Variants in GOLT1A observed in about 807,000 individuals in gnomAD.
GOLT1A encodes vesicle transport protein GOT1A.
GOLT1A carries 10 observed loss-of-function variants against 16.1 expected under a neutral mutation model. That is an observed-to-expected ratio of 0.62 (90% CI 0.38 to 1.05). GOLT1A has a LOEUF of 1.05. Among genes scored for constraint, GOLT1A ranks in the 50% least tolerant of loss-of-function variants. The probability of loss-of-function intolerance (pLI) is 0.01; values close to 1 mark genes in which losing one functional copy is unlikely to be tolerated. For synonymous variants in GOLT1A, 60 were observed against 67.9 expected (o/e 0.88, Z 0.57); for missense variants, 137 against 165.7 (o/e 0.83, Z 0.95).
chr1:204,207,710 C>T (rs1229321008), intron 1 of GOLT1A, among the ~76,000 whole-genome samples: 1 of 152,142 alleles, frequency 6.6e-6, no homozygotes, highest in African/African-American at 2.4e-5. Flanking sequence ...TTTCTTAAAG[C>T]AATCACACAT....
intron 2 of GOLT1A, among the ~76,000 whole-genome samples, chr1:204,202,036 C>T (rs188940845): frequency 3.7e-4 from 56 of 152,226 alleles, no homozygotes; most frequent in African/African-American, 1.0e-3. Flanking sequence ...AAACCTTTGA[C>T]GGTTTCTAGT....
intron 1 of GOLT1A, among the ~76,000 whole-genome samples, chr1:204,208,292 T>C (rs573300115): frequency 6.8e-6 from 1 of 146,496 alleles, no homozygotes; most frequent in Non-Finnish European, 1.5e-5. Flanking sequence ...ATAAATAAAT[T>C]GTGATGTGTA....
intron 1 of GOLT1A, among the ~76,000 whole-genome samples, chr1:204,212,853 C>T: frequency 6.6e-6 from 1 of 152,114 alleles, no homozygotes; most frequent in Non-Finnish European, 1.5e-5. Context: ...ATTCTCCCCT[C>T]ACCTCACTTT....
intron 3 of GOLT1A, 84 bp from the exon 4 acceptor site, chr1:204,199,342 G>T: frequency 9.1e-7 from 1 of 1,103,152 alleles, no homozygotes; most frequent in Non-Finnish European, 1.4e-6. Flanking sequence ...CCACTGAAAG[G>T]TTCAAGCTCT....
At chr1:204,209,133 C>T (rs1416591924) in intron 1 of GOLT1A, among the ~76,000 whole-genome samples, 1 of 152,158 alleles carries the variant, frequency 6.6e-6, no homozygotes, top group Admixed American at 6.5e-5. Flanking sequence ...TGTAGCCATC[C>T]CTCCATTTGG....
At chr1:204,206,711 C>T (rs970414085) in intron 1 of GOLT1A, among the ~76,000 whole-genome samples, 4 of 152,248 alleles carry the variant, frequency 2.6e-5, no homozygotes, top group African/African-American at 4.8e-5. Context: ...GCACATTTTA[C>T]GGGGTTTTCA....
intron 1 of GOLT1A, among the ~76,000 whole-genome samples, chr1:204,212,884 CTTG>C (rs1468437941): frequency 1.3e-5 from 2 of 152,140 alleles, no homozygotes; most frequent in Non-Finnish European, 2.9e-5. Flanking sequence ...TACCCACCTC[CTTG>C]TTGTTCTTCA....
chr1:204,203,546 A>T (rs1658994805), intron 1 of GOLT1A, among the ~76,000 whole-genome samples: 1 of 151,890 alleles, frequency 6.6e-6, no homozygotes, highest in African/African-American at 2.4e-5. Flanking sequence ...CCCTGTCTCC[A>T]CTCTCAGGTG....
In GOLT1A at chr1:204,199,256, C is replaced by T; in HGVS notation, c.299G>A (p.Gly100Asp). Reference protein sequence around the residue: ...ETYGFFSLFKGFFPVAFGFLG... With the variant: ...ETYGFFSLFKDFFPVAFGFLG... ...GAAGCCGAAGGCGACAGGGAAAAAG[C>T]CCCTAGGAGCAGAGGGGAGAAGGGA... The change falls in exon 4 of 5, where the codon GGC (glycine) becomes GAC (aspartate). Residue 100 changes from glycine to aspartate, a missense_variant and splice_region_variant. Physicochemically the swap from Gly to Asp is moderately conservative, Grantham distance 94 (BLOSUM62 -1). Transcript: ENST00000308302. 6.2e-7 allele frequency: 1 copy of T among 1,602,208 alleles called. No homozygotes were observed. Among genetic ancestry groups the T allele is most frequent in the South Asian group, 1.1e-5 (1 of 88,042 alleles).
chr1:204,208,472 G>GTGTATATATGTATATATGTA (rs1553234641), intron 1 of GOLT1A, among the ~76,000 whole-genome samples: 51 of 28,692 alleles, frequency 1.8e-3, no homozygotes, highest in African/African-American at 4.7e-3. Flanking sequence ...GTGTGTGTGT[G>GTGTATATATGTATATATGTA]TGTGTATATA....
chr1:204,213,530 T>C (rs1313417208), intron 1 of GOLT1A, among the ~76,000 whole-genome samples: 3 of 152,146 alleles, frequency 2.0e-5, no homozygotes, highest in Non-Finnish European at 4.4e-5. Context: ...CAGGAGACCT[T>C]GATGGTGTGG....
At chr1:204,212,553 C>T (rs979213596) in intron 1 of GOLT1A, among the ~76,000 whole-genome samples, 3 of 149,588 alleles carry the variant, frequency 2.0e-5, no homozygotes, top group Non-Finnish European at 4.4e-5. Flanking sequence ...AGGAGAATCG[C>T]TTGAACCCAG....
intron 3 of GOLT1A, among the ~76,000 whole-genome samples, chr1:204,200,347 G>C (rs1318202345): frequency 1.0e-5 from 1 of 97,790 alleles, no homozygotes; most frequent in Admixed American, 9.9e-5. Context: ...TTTTGAGAGA[G>C]AGAGTCTCGG....
intron 3 of GOLT1A, among the ~76,000 whole-genome samples, chr1:204,200,290 CATATATGTGTATATAT>C (rs1658930487): frequency 1.9e-5 from 1 of 51,680 alleles, no homozygotes; most frequent in South Asian, 5.0e-4. Flanking sequence ...TTGAAAATGA[CATATATGTGTATATAT>C]ATATATATAT....
intron 1 of GOLT1A, 98 bp from the exon 2 acceptor site, chr1:204,203,085 GGGT>G: frequency 1.3e-5 from 11 of 815,378 alleles, no homozygotes; most frequent in Non-Finnish European, 2.1e-5. Context: ...CCCTCTATGG[GGGT>G]GACTCCACTT....
chr1:204,198,838 CT>C, intron 4 of GOLT1A: 1 of 477,846 alleles, frequency 2.1e-6, no homozygotes, highest in South Asian at 3.1e-5. Flanking sequence ...CTCTCCATGC[CT>C]GGGGCCCGCA....
chr1:204,199,688 G>A lies in GOLT1A; in HGVS notation c.297-430C>T, dbSNP rs141785701. Among the ~76,000 whole-genome samples, 884 of 152,194 alleles carry A rather than the reference G, an allele frequency of 5.8e-3. 5 individuals carry two copies. Among genetic ancestry groups the A allele is most frequent in the African/African-American group, 0.02 (830 of 41,518 alleles). On this transcript the variant is annotated intron_variant, in intron 3 of 4. Transcript: ENST00000308302. Reference sequence around the variant, plus strand: ...TCTCTTCCTGAGATCCACCTGCCCCGGGTGTCCTGGGCCCTGGGCGTCGGG... The same window carrying A: ...TCTCTTCCTGAGATCCACCTGCCCCAGGTGTCCTGGGCCCTGGGCGTCGGG...
chr1:204,198,992 T>G (rs1658908102), intron 4 of GOLT1A: 2 of 582,092 alleles, frequency 3.4e-6, no homozygotes, highest in Admixed American at 3.0e-5. Context: ...TGCGTCTGGA[T>G]CCCCTCTCCT....
At chr1:204,205,505 GTAT>G (rs1404016471) in intron 1 of GOLT1A, among the ~76,000 whole-genome samples, 1 of 152,096 alleles carries the variant, frequency 6.6e-6, no homozygotes, top group Admixed American at 6.6e-5. Flanking sequence ...TATGAAATTG[GTAT>G]TATTATTATG....
Sources: allele counts gnomAD v4.1 joint callset (sites outside exome capture counted in the v4.1 genomes callset), GRCh38; gene constraint gnomAD v4.1.1; transcripts MANE v1.5; gene names NCBI Gene and HGNC (gene_info 2026-07-23, HGNC 2026-07-21).